CUX1: variants seen among roughly 807,000 people sequenced by gnomAD.
CUX1 encodes the protein protein CASP.
CUX1 carries 31 observed loss-of-function variants against 158.8 expected under a neutral mutation model. The ratio of observed to expected loss-of-function variants is 0.20; its 90% CI spans 0.15 to 0.26. The LOEUF is 0.26. Among genes scored for constraint, CUX1 ranks in the 10% least tolerant of loss-of-function variants. The probability of loss-of-function intolerance (pLI) is 1.00; values close to 1 mark genes in which losing one functional copy is unlikely to be tolerated. For synonymous variants in CUX1, 879 were observed against 862.1 expected, an observed-to-expected ratio of 1.02 and a Z score of -0.34; for missense variants, 1,589 against 2,014.6, an observed-to-expected ratio of 0.79 and a Z score of 4.04.
intron 1 of CUX1, among the ~76,000 whole-genome samples, chr7:101,839,205 G>T (rs148201595): frequency 6.6e-6 from 1 of 152,164 alleles, no homozygotes; most frequent in African/African-American, 2.4e-5. Context: ...TGAATTTGAG[G>T]GGGGTGGACA....
At chr7:101,958,291 G>A (rs1810009491) in intron 2 of CUX1, among the ~76,000 whole-genome samples, 1 of 151,962 alleles carries the variant, frequency 6.6e-6, no homozygotes. Flanking sequence ...CTGAACCCTG[G>A]GGCTCAGGAG....
intron 3 of CUX1, among the ~76,000 whole-genome samples, chr7:102,056,048 T>C (rs1824086588): frequency 6.6e-6 from 1 of 152,166 alleles, no homozygotes; most frequent in African/African-American, 2.4e-5. Flanking sequence ...TTCAATTCTA[T>C]GAAGGCTGAC....
rs115214660 is a variant in CUX1, at chr7:102,239,588, C to A, written c.3887+4C>A. Reference sequence around the variant, plus strand: ...TCAACTGGTTCCACAACTACAGGTACGACGGCTGGCTCACAGGGAGCGCCG... The same window carrying A: ...TCAACTGGTTCCACAACTACAGGTAAGACGGCTGGCTCACAGGGAGCGCCG... On this transcript the variant is annotated splice_donor_region_variant and intron_variant, in intron 23 of 23. Transcript: ENST00000292535. 1 of 1,608,370 alleles carries A rather than the reference C, an allele frequency of 6.2e-7. No homozygotes were observed.
intron 18 of CUX1, among the ~76,000 whole-genome samples, chr7:102,203,361 G>T (rs954257528): frequency 6.6e-6 from 1 of 152,074 alleles, no homozygotes; most frequent in African/African-American, 2.4e-5. Flanking sequence ...GCCAAGCCAG[G>T]GTCCCTGCAT....
chr7:101,921,610 G>A (rs752116256), intron 2 of CUX1, among the ~76,000 whole-genome samples: 7 of 151,976 alleles, frequency 4.6e-5, no homozygotes, highest in East Asian at 1.9e-4. Context: ...ACACGTACCC[G>A]TCACCATGCC....
chr7:101,853,471 G>A (rs573511070), intron 1 of CUX1, among the ~76,000 whole-genome samples: 29 of 152,080 alleles, frequency 1.9e-4, no homozygotes, highest in Non-Finnish European at 3.4e-4. Flanking sequence ...TTGTCCTGTC[G>A]CTTTGTCTGT....
chr7:102,003,295 AACACACACACACACACACAC>A (rs56760446), intron 2 of CUX1, among the ~76,000 whole-genome samples: 1 of 131,908 alleles, frequency 7.6e-6, no homozygotes, highest in South Asian at 2.6e-4. Flanking sequence ...CCTGGTGCCG[AACACACACACACACACACAC>A]ACACACACAC....
At chr7:102,200,532 G>A (rs1795304726) in intron 17 of CUX1, among the ~76,000 whole-genome samples, 1 of 152,124 alleles carries the variant, frequency 6.6e-6, no homozygotes, top group African/African-American at 2.4e-5. Context: ...GTAGAGACGG[G>A]GTTTTACCAT....
At chr7:102,280,044 G>A (rs1554548775) in exon 19 of CUX1, 3 of 1,605,512 alleles carry the variant, frequency 1.9e-6, no homozygotes, top group East Asian at 2.2e-5. Context: ...CAGGGCAGCG[G>A]CAGTGATGAC....
chr7:102,273,474 T>A (rs2132806126), exon 15 of CUX1: 1 of 1,612,130 alleles, frequency 6.2e-7, no homozygotes, highest in East Asian at 2.2e-5. Context: ...ATTCAGTCCA[T>A]CCAGCGGCCC....
At chr7:102,097,334 T>C (rs1829302276) in intron 4 of CUX1, 30 bp from the exon 5 acceptor site, 1 of 1,590,084 alleles carries the variant, frequency 6.3e-7, no homozygotes, top group African/African-American at 1.4e-5. Context: ...GCTGGCCGAG[T>C]GGGGTGATGG....
rs1554497846 is a variant in CUX1 at position 102,133,042 on chromosome 7, C to CGG, written c.674+17769_674+17770insGG. Among the ~76,000 whole-genome samples, 36 of 152,294 alleles carry CGG rather than the reference C, an allele frequency of 2.4e-4. No homozygotes were observed. The South Asian group carries it at 6.2e-3, about 26-fold the overall frequency. Reference sequence around the variant, plus strand: ...TTGACCCTCTGCCACCAGTATCTCCCTGGACAAAACCACCCTCCAAGCATC... The same window carrying CGG: ...TTGACCCTCTGCCACCAGTATCTCCCGGTGGACAAAACCACCCTCCAAGCATC... On this transcript the variant is annotated intron_variant, in intron 8 of 23. Transcript: ENST00000292535.
intron 3 of CUX1, among the ~76,000 whole-genome samples, chr7:102,045,433 C>T (rs1228943532): frequency 1.2e-4 from 19 of 152,252 alleles, no homozygotes; most frequent in Non-Finnish European, 2.6e-4. Context: ...GGTGCCACTG[C>T]GCCCGCGCGC....
intron 11 of CUX1, among the ~76,000 whole-genome samples, chr7:102,184,469 TA>T (rs1171886485): frequency 2.6e-5 from 4 of 152,118 alleles, no homozygotes; most frequent in African/African-American, 9.7e-5. Flanking sequence ...TGAAAACCCA[TA>T]TTCATTCTGA....
chr7:101,928,565 T>G (rs1805897701), intron 2 of CUX1, among the ~76,000 whole-genome samples: 2 of 151,386 alleles, frequency 1.3e-5, no homozygotes. Context: ...GGGGTTTCAC[T>G]ATGTTGGCCA....
chr7:101,996,675 T>G (rs1815948935), intron 2 of CUX1, among the ~76,000 whole-genome samples: 2 of 103,246 alleles, frequency 1.9e-5, no homozygotes, highest in Non-Finnish European at 1.8e-5. Flanking sequence ...CCATCCATCC[T>G]TCCCTCGTTT....
chr7:102,198,172 A>T (rs1339855487), intron 15 of CUX1, among the ~76,000 whole-genome samples: 3 of 152,154 alleles, frequency 2.0e-5, no homozygotes, highest in African/African-American at 7.2e-5. Context: ...AGGCAGGAGG[A>T]TGGCTTGAGC....
intron 1 of CUX1, among the ~76,000 whole-genome samples, chr7:101,910,669 C>G (rs1803323129): frequency 6.6e-6 from 1 of 151,334 alleles, no homozygotes; most frequent in Non-Finnish European, 1.5e-5. Flanking sequence ...GTCTTGAACC[C>G]TGGAGGTGAA....
intron 8 of CUX1, among the ~76,000 whole-genome samples, chr7:102,156,289 T>C (rs963594679): frequency 2.0e-5 from 3 of 152,128 alleles, no homozygotes; most frequent in Non-Finnish European, 4.4e-5. Flanking sequence ...TTTATTTGGC[T>C]CACAGATCTG....
Sources: allele counts gnomAD v4.1 joint callset (sites outside exome capture counted in the v4.1 genomes callset), GRCh38; gene constraint gnomAD v4.1.1; transcripts MANE v1.5; gene names NCBI Gene and HGNC (gene_info 2026-07-23, HGNC 2026-07-21).